Variants in FSTL4 observed in about 807,000 individuals in gnomAD.
FSTL4 encodes the protein follistatin-related protein 4.
Under a neutral mutation model 78.2 loss-of-function variants are expected in FSTL4, and 28 were observed. The ratio of observed to expected loss-of-function variants is 0.36; its 90% CI spans 0.27 to 0.49. FSTL4 has a LOEUF of 0.49. Ranked by LOEUF, FSTL4 falls within the 20% of genes least tolerant of loss-of-function variation. The pLI, the probability that FSTL4 is intolerant of heterozygous loss-of-function variation, is 0.98. For missense variants in FSTL4, 922 were observed against 1,084.9 expected (o/e 0.85, Z 2.11); for synonymous variants, 422 against 440.5 (o/e 0.96, Z 0.53).
chr5:133,787,670 G>A, the FSTL4 span, among the ~76,000 whole-genome samples: 4 of 152,028 alleles, frequency 2.6e-5, no homozygotes, highest in Admixed American at 6.5e-5. Context: ...AAACTCCAGG[G>A]CAAGCCAAAA....
chr5:133,336,919 C>T (rs1171455260), intron 4 of FSTL4, among the ~76,000 whole-genome samples: 1 of 152,222 alleles, frequency 6.6e-6, no homozygotes, highest in East Asian at 1.9e-4. Flanking sequence ...TCCACCCCTT[C>T]CCAGGCCTCT....
At chr5:133,685,500 T>C in the FSTL4 span, among the ~76,000 whole-genome samples, 1 of 152,224 alleles carries the variant, frequency 6.6e-6, no homozygotes, top group Non-Finnish European at 1.5e-5. Context: ...AATGTAGTGA[T>C]GAAACAAGAG....
At chr5:133,705,366 A>G in the FSTL4 span, among the ~76,000 whole-genome samples, 2 of 152,160 alleles carry the variant, frequency 1.3e-5, no homozygotes, top group Admixed American at 1.3e-4. Context: ...GCCAGAATAT[A>G]TATTTTACAG....
At chr5:133,364,450 C>G (rs1755135243) in intron 4 of FSTL4, among the ~76,000 whole-genome samples, 1 of 152,218 alleles carries the variant, frequency 6.6e-6, no homozygotes, top group East Asian at 1.9e-4. Flanking sequence ...TGCCCCATGC[C>G]AGGGGCCTCT....
chr5:133,336,349 AG>A (rs1340105130), intron 4 of FSTL4, among the ~76,000 whole-genome samples: 1 of 152,232 alleles, frequency 6.6e-6, no homozygotes, highest in East Asian at 1.9e-4. Context: ...TGGGTGGAGA[AG>A]GGGGCGAGGC....
the FSTL4 span, among the ~76,000 whole-genome samples, chr5:133,837,160 C>T: frequency 1.3e-5 from 2 of 151,808 alleles, no homozygotes; most frequent in Non-Finnish European, 2.9e-5. Flanking sequence ...AAGTTTTCTA[C>T]TGATCCTTCT....
chr5:133,811,261 T>C, the FSTL4 span, among the ~76,000 whole-genome samples: 2 of 152,300 alleles, frequency 1.3e-5, no homozygotes, highest in East Asian at 3.9e-4. Context: ...TCTTCACCAC[T>C]TCCCCCGAGC....
the FSTL4 span, among the ~76,000 whole-genome samples, chr5:133,679,912 A>G: frequency 6.6e-6 from 1 of 151,264 alleles, no homozygotes; most frequent in East Asian, 1.9e-4. Context: ...TCCTGTCACT[A>G]CTCTCCCAAG....
the FSTL4 span, among the ~76,000 whole-genome samples, chr5:133,647,091 C>G: frequency 6.6e-6 from 1 of 152,112 alleles, no homozygotes; most frequent in Non-Finnish European, 1.5e-5. Flanking sequence ...GCATGAAGAG[C>G]GGCCCAATGT....
intron 4 of FSTL4, among the ~76,000 whole-genome samples, chr5:133,325,901 T>C (rs745964599): frequency 1.3e-5 from 2 of 152,200 alleles, no homozygotes; most frequent in African/African-American, 2.4e-5. Flanking sequence ...ATTAGCCTGG[T>C]AAGTCATGTC....
At chr5:133,616,314 T>A (rs13355129), upstream of FSTL4, among the ~76,000 whole-genome samples, 25 of 139,902 alleles carry the variant, frequency 1.8e-4, no homozygotes, top group African/African-American at 2.8e-4. Flanking sequence ...AATCTAAATC[T>A]ATCTATCTAT....
the FSTL4 span, among the ~76,000 whole-genome samples, chr5:133,805,338 A>G: frequency 6.6e-6 from 1 of 152,152 alleles, no homozygotes; most frequent in Non-Finnish European, 1.5e-5. Context: ...CTTCAGCTGC[A>G]TCACTCAAGA....
chr5:133,598,266 C>T (rs1760782427), intron 2 of FSTL4, among the ~76,000 whole-genome samples: 1 of 151,978 alleles, frequency 6.6e-6, no homozygotes, highest in Non-Finnish European at 1.5e-5. Flanking sequence ...CTTTTCTTCC[C>T]AGTGTCCCCC....
intron 3 of FSTL4, among the ~76,000 whole-genome samples, chr5:133,544,095 T>A (rs958502236): frequency 1.3e-5 from 2 of 152,146 alleles, no homozygotes; most frequent in African/African-American, 4.8e-5. Flanking sequence ...CTGCCAAACT[T>A]TTAAAGTTAT....
chr5:133,841,806 T>TCTC, the FSTL4 span, among the ~76,000 whole-genome samples: 1 of 152,174 alleles, frequency 6.6e-6, no homozygotes, highest in African/African-American at 2.4e-5. Flanking sequence ...TCACTTGTCT[T>TCTC]CTCCTCGCAG....
chr5:133,840,015 G>C, the FSTL4 span, among the ~76,000 whole-genome samples: 1 of 152,168 alleles, frequency 6.6e-6, no homozygotes, highest in South Asian at 2.1e-4. Flanking sequence ...GTGAGAGGTG[G>C]GGGAGAGCAA....
the FSTL4 span, among the ~76,000 whole-genome samples, chr5:133,700,296 C>T: frequency 6.6e-6 from 1 of 151,484 alleles, no homozygotes; most frequent in Non-Finnish European, 1.5e-5. Flanking sequence ...CACACCAAAC[C>T]ACCACACCAA....
the FSTL4 span, among the ~76,000 whole-genome samples, chr5:133,637,743 G>C: frequency 6.6e-6 from 1 of 151,608 alleles, no homozygotes; most frequent in Non-Finnish European, 1.5e-5. Context: ...CATGGGTTTT[G>C]TCACCTTGTA....
chr5:133,211,560 C>T (rs928409917), intron 13 of FSTL4, among the ~76,000 whole-genome samples: 1 of 152,230 alleles, frequency 6.6e-6, no homozygotes, highest in Non-Finnish European at 1.5e-5. Context: ...TCTGCCTCCA[C>T]TGGTCAAAAC....
Sources: allele counts gnomAD v4.1 joint callset (sites outside exome capture counted in the v4.1 genomes callset), GRCh38; gene constraint gnomAD v4.1.1; transcripts MANE v1.5; gene names NCBI Gene and HGNC (gene_info 2026-07-23, HGNC 2026-07-21).